The following DCAF10 variants were observed in gnomAD, a reference collection of about 807,000 sequenced individuals.
DCAF10 encodes DDB1 and CUL4 associated factor 10.
DCAF10 carries 19 observed loss-of-function variants against 51.9 expected under a neutral mutation model. The observed-to-expected ratio is 0.37, with a 90% CI of 0.26 to 0.54. The LOEUF is 0.54. Among genes scored for constraint, DCAF10 ranks in the 20% least tolerant of loss-of-function variants. DCAF10 has a pLI of 0.87. For synonymous variants in DCAF10, 291 were observed against 297.1 expected (o/e 0.98, Z 0.21); for missense variants, 510 against 730.6 (o/e 0.70, Z 3.48).
intron 2 of DCAF10, among the ~76,000 whole-genome samples, chr9:37,839,259 AC>A (rs1830264205): frequency 1.3e-5 from 2 of 151,828 alleles, no homozygotes; most frequent in South Asian, 2.1e-4. Context: ...ACAGGGTTTC[AC>A]CATCTCGGCC....
chr9:37,860,739 G>A (rs895217721), intron 6 of DCAF10, among the ~76,000 whole-genome samples: 12 of 152,134 alleles, frequency 7.9e-5, no homozygotes. Context: ...GATCTCACTG[G>A]TCCTAGAGGC....
intron 2 of DCAF10, among the ~76,000 whole-genome samples, chr9:37,831,152 G>T (rs1262645500): frequency 1.3e-5 from 2 of 152,216 alleles, no homozygotes. Flanking sequence ...AGGAGGCAGA[G>T]GTTGCAGTGA....
At chr9:37,846,203 A>C (rs1234033892) in intron 3 of DCAF10, among the ~76,000 whole-genome samples, 1 of 152,212 alleles carries the variant, frequency 6.6e-6, no homozygotes, top group Non-Finnish European at 1.5e-5. Context: ...ATCAATAGAA[A>C]TTGTATTAAT....
chr9:37,826,117 T>G (rs1829846310), intron 2 of DCAF10, among the ~76,000 whole-genome samples: 2 of 149,920 alleles, frequency 1.3e-5, no homozygotes, highest in African/African-American at 4.9e-5. Context: ...AATGCATAGC[T>G]GAACAAATGA....
At chr9:37,808,386 C>T (rs529710149) in intron 1 of DCAF10, among the ~76,000 whole-genome samples, 20 of 144,240 alleles carry the variant, frequency 1.4e-4, no homozygotes, top group Non-Finnish European at 2.1e-4. Context: ...CCAGCCTGGG[C>T]GACAGCCTGG....
chr9:37,852,962 A>ATATATATG (rs1830721688), intron 3 of DCAF10, among the ~76,000 whole-genome samples: 6 of 88,304 alleles, frequency 6.8e-5, no homozygotes, highest in Non-Finnish European at 1.5e-4. Flanking sequence ...ATATATATAT[A>ATATATATG]TATAAATTAG....
intron 2 of DCAF10, among the ~76,000 whole-genome samples, chr9:37,824,434 A>C (rs1003927252): frequency 1.7e-4 from 26 of 152,236 alleles, no homozygotes. Flanking sequence ...TAATGAAAAA[A>C]ACTGAAAAGA....
chr9:37,845,400 GACAACA>G (rs908148719), intron 3 of DCAF10, among the ~76,000 whole-genome samples: 3 of 152,188 alleles, frequency 2.0e-5, no homozygotes, highest in African/African-American at 4.8e-5. Context: ...ATAAAAAGGA[GACAACA>G]ATATAGAAGA....
In DCAF10 at chr9:37,831,893, ACCCGAGATTGTGC is replaced by A. The variant is rs532619056; in HGVS notation, c.654-10194_654-10182del. On this transcript the variant is annotated intron_variant, in intron 2 of 6. Coordinates refer to ENST00000377724, the MANE Select transcript of DCAF10 (RefSeq NM_024345.5). ...AACCTGGGAGGCGGAGGCTGTAGTGACCCGAGATTGTGCCACTGCACTCCAGCCTGGGCGACAG... is the reference window on the plus strand; with the variant it reads ...AACCTGGGAGGCGGAGGCTGTAGTGACACTGCACTCCAGCCTGGGCGACAG... Among the ~76,000 whole-genome samples, 59 of 152,110 alleles carry A rather than the reference ACCCGAGATTGTGC, an allele frequency of 3.9e-4. 1 individual carries two copies. The South Asian group carries it at 0.012, about 32-fold the overall frequency.
intron 1 of DCAF10, among the ~76,000 whole-genome samples, chr9:37,810,522 C>T (rs558648077): frequency 1.1e-4 from 16 of 151,908 alleles, no homozygotes; most frequent in African/African-American, 3.6e-4. Flanking sequence ...AGCGCAATGG[C>T]GCAATCTTGG....
chr9:37,824,939 A>G lies in DCAF10; in HGVS notation c.653+5538A>G, dbSNP rs77353917. Among the ~76,000 whole-genome samples the G allele has an allele frequency of 5.3e-3, 811 of 152,324 alleles. 6 individuals carry two copies. The highest frequency in any genetic ancestry group is 0.019 in the African/African-American group (772 of 41,570). ...TAGCCTTAAAATACACAAAGCAAAA[A>G]CAGAATTATAAAGAATTAGAAGTCT... On this transcript the variant is annotated intron_variant, in intron 2 of 6. Transcript: ENST00000377724.
rs1831023538 is a variant in DCAF10 at position 37,861,712 on chromosome 9, A to T, written c.*204A>T. 3 of 615,652 alleles carry T rather than the reference A, an allele frequency of 4.9e-6. No homozygotes were observed. Among genetic ancestry groups the T allele is most frequent in the Non-Finnish European group, 8.0e-6 (3 of 375,458 alleles). 38.1% of individuals were successfully genotyped at this position (615,652 alleles called of 1,614,324 possible). On this transcript the variant is annotated 3_prime_UTR_variant, in exon 7 of 7. Coordinates refer to ENST00000377724, the MANE Select transcript of DCAF10 (RefSeq NM_024345.5). The surrounding 1 kb of genome is among the most constrained non-coding windows in gnomAD (Gnocchi z 4.9). ...TCCAAGTTAGACTCTATGCAGCATC[A>T]TCTTTTGCAGCATTCCTCTGCTCCT...
upstream of DCAF10, chr9:37,800,578 C>T: frequency 2.0e-6 from 3 of 1,536,068 alleles, no homozygotes; most frequent in South Asian, 1.2e-5. Context: ...ACGCGGCCAC[C>T]GGTCACTGAC....
At chr9:37,853,232 G>C (rs1056786044) in intron 3 of DCAF10, among the ~76,000 whole-genome samples, 7 of 150,128 alleles carry the variant, frequency 4.7e-5, no homozygotes, top group South Asian at 2.1e-4. Flanking sequence ...AAAAAATTCT[G>C]GCCGGGCATG....
intron 3 of DCAF10, among the ~76,000 whole-genome samples, chr9:37,851,096 T>G (rs938012797): frequency 6.7e-6 from 1 of 150,052 alleles, no homozygotes; most frequent in Non-Finnish European, 1.5e-5. Context: ...ATACAAAGAG[T>G]AGCCGGGTGT....
intron 2 of DCAF10, among the ~76,000 whole-genome samples, chr9:37,838,140 A>T (rs1299490870): frequency 1.3e-5 from 2 of 152,348 alleles, no homozygotes; most frequent in African/African-American, 4.8e-5. Flanking sequence ...TATTATCTTT[A>T]AAGATTTTTT....
At chr9:37,845,182 C>A (rs1384883267) in intron 3 of DCAF10, among the ~76,000 whole-genome samples, 1 of 151,792 alleles carries the variant, frequency 6.6e-6, no homozygotes, top group Admixed American at 6.6e-5. Flanking sequence ...GCATCTTACT[C>A]AAAAAACTGG....
chr9:37,810,897 C>A (rs1199191036), intron 1 of DCAF10, among the ~76,000 whole-genome samples: 1 of 152,104 alleles, frequency 6.6e-6, no homozygotes, highest in East Asian at 1.9e-4. Flanking sequence ...AAAGGTGAAT[C>A]CAGAATCGAC....
rs1829426809 is a variant in DCAF10, at chr9:37,813,869, AT to A, written c.540-5416del. 2.0e-5 allele frequency among the ~76,000 whole-genome samples: 3 copies of A among 151,960 alleles called. No homozygotes were observed. The South Asian group carries it at 6.2e-4, about 32-fold the overall frequency. On this transcript the variant is annotated intron_variant, in intron 1 of 6. Coordinates refer to ENST00000377724, the MANE Select transcript of DCAF10 (RefSeq NM_024345.5). ...ACTGAATGATGAAAACACTATCAAA[AT>A]TTGTGCAATTGCAGCTGAAGCCATG...
Sources: gnomAD v4.1 joint callset for allele counts (sites outside exome capture counted in the v4.1 genomes callset) on GRCh38, gnomAD v4.1.1 for gene constraint, Gnocchi (gnomAD v3.1) non-coding constraint, MANE v1.5 for transcripts, NCBI Gene and HGNC (gene_info 2026-07-23, HGNC 2026-07-21) for gene names.